Variants in RASGRP3 observed in about 807,000 individuals in gnomAD.
RASGRP3 encodes ras guanyl-releasing protein 3.
Under a neutral mutation model 82.7 loss-of-function variants are expected in RASGRP3, and 54 were observed. The ratio of observed to expected loss-of-function variants is 0.65; its 90% CI spans 0.52 to 0.82. RASGRP3 has a LOEUF of 0.82. Among genes scored for constraint, RASGRP3 ranks in the 40% least tolerant of loss-of-function variants. RASGRP3 has a pLI of 0.00. For synonymous variants in RASGRP3, 309 were observed against 300.5 expected (o/e 1.03, Z -0.29); for missense variants, 861 against 828.9 (o/e 1.04, Z -0.48).
chr2:33,547,110 G>A (rs1674854644), intron 13 of RASGRP3, among the ~76,000 whole-genome samples: 1 of 149,268 alleles, frequency 6.7e-6, no homozygotes, highest in Admixed American at 6.7e-5. Context: ...TTGCAGGAAC[G>A]CGGATGGAAG....
intron 15 of RASGRP3, among the ~76,000 whole-genome samples, chr2:33,557,926 C>G (rs1319251313): frequency 6.6e-6 from 1 of 152,130 alleles, no homozygotes; most frequent in Non-Finnish European, 1.5e-5. Context: ...ACCTCTCAGG[C>G]TGGACTCTAT....
At chr2:33,555,921 C>T (rs1043819015) in intron 15 of RASGRP3, among the ~76,000 whole-genome samples, 2 of 152,210 alleles carry the variant, frequency 1.3e-5, no homozygotes, top group African/African-American at 4.8e-5. Context: ...TTCTCTAATG[C>T]ACAGGCACTT....
intron 11 of RASGRP3, among the ~76,000 whole-genome samples, chr2:33,537,320 A>ACACACACC (rs771052774): frequency 1.2e-4 from 4 of 33,324 alleles, no homozygotes; most frequent in Non-Finnish European, 1.7e-4. Context: ...ACACACACAC[A>ACACACACC]CCGCCCCCCC....
chr2:33,507,371 GGT>G (rs533106617), intron 1 of RASGRP3, among the ~76,000 whole-genome samples: 129 of 152,328 alleles, frequency 8.5e-4, no homozygotes, highest in Middle Eastern at 3.4e-3. Context: ...CTCCAGCCTG[GGT>G]GACAGAGCAA....
At chr2:33,463,592 CTTTTTTTT>C (rs56748259) in intron 2 of RASGRP3, among the ~76,000 whole-genome samples, 7 of 70,230 alleles carry the variant, frequency 1.0e-4, no homozygotes, top group Non-Finnish European at 1.9e-4. Context: ...CTCCTTCACT[CTTTTTTTT>C]TTTTTTTTTT....
chr2:33,523,402 T>C (rs528451765), intron 7 of RASGRP3, among the ~76,000 whole-genome samples: 1 of 151,464 alleles, frequency 6.6e-6, no homozygotes, highest in Non-Finnish European at 1.5e-5. Flanking sequence ...GAGGCGGAGA[T>C]TGCAGTGAGC....
At chr2:33,534,694 A>ATTTT (rs71910431) in intron 11 of RASGRP3, among the ~76,000 whole-genome samples, 16 of 122,204 alleles carry the variant, frequency 1.3e-4, no homozygotes, top group African/African-American at 4.5e-4. Context: ...ACACCCAGCA[A>ATTTT]TTTTTTTTTT....
intron 1 of RASGRP3, among the ~76,000 whole-genome samples, chr2:33,499,945 G>A (rs1056871954): frequency 5.3e-5 from 8 of 152,106 alleles, no homozygotes; most frequent in South Asian, 2.1e-4. Context: ...TGGAGAGACC[G>A]ACAGAACCAT....
chr2:33,514,924 CATT>C, intron 2 of RASGRP3, 83 bp from the exon 3 acceptor site: 4 of 567,762 alleles, frequency 7.0e-6, no homozygotes, highest in Non-Finnish European at 1.3e-5. Context: ...CTATGGAAGT[CATT>C]ATCTTTTCAG....
At chr2:33,544,550 T>C (rs1439179025) in intron 13 of RASGRP3, among the ~76,000 whole-genome samples, 1 of 151,788 alleles carries the variant, frequency 6.6e-6, no homozygotes, top group Non-Finnish European at 1.5e-5. Flanking sequence ...AATCCTGGCA[T>C]TAATAATTTG....
chr2:33,478,829 A>C lies in RASGRP3; in HGVS notation c.-261+2122A>C, dbSNP rs72865970. 7.6e-3 allele frequency among the ~76,000 whole-genome samples: 1,165 copies of C among 152,348 alleles called. 7 individuals are homozygous for C. The highest frequency in any genetic ancestry group is 0.027 in the African/African-American group (1,137 of 41,584). ...ATTTCAACGCTAATAACAATCCCTT[A>C]CTTTTATTGTGCACTTACTCTGCCA... is the stretch of plus-strand genomic sequence containing the variant. On this transcript the variant is annotated intron_variant, in intron 1 of 17. Coordinates refer to ENST00000403687, the MANE Select transcript of RASGRP3 (RefSeq NM_001139488.2).
chr2:33,545,961 C>T (rs188388688), intron 13 of RASGRP3, among the ~76,000 whole-genome samples: 2 of 152,136 alleles, frequency 1.3e-5, no homozygotes, highest in Non-Finnish European at 2.9e-5. Context: ...CACCACCACG[C>T]CAGGCAATTT....
intron 3 of RASGRP3, among the ~76,000 whole-genome samples, chr2:33,516,192 G>T (rs1671448434): frequency 6.6e-6 from 1 of 152,136 alleles, no homozygotes; most frequent in South Asian, 2.1e-4. Context: ...GGCGGATCAT[G>T]AGGTCAGGAG....
At chr2:33,546,556 G>T (rs559696331) in intron 13 of RASGRP3, among the ~76,000 whole-genome samples, 1 of 152,210 alleles carries the variant, frequency 6.6e-6, no homozygotes, top group African/African-American at 2.4e-5. Flanking sequence ...TCCTCAAGCA[G>T]CTAAAAACAG....
At chr2:33,496,847 A>G (rs1194292882) in intron 1 of RASGRP3, among the ~76,000 whole-genome samples, 2 of 152,234 alleles carry the variant, frequency 1.3e-5, no homozygotes, top group Non-Finnish European at 2.9e-5. Flanking sequence ...ACAGAGTGAG[A>G]ACTTATCTTA....
In RASGRP3 at chr2:33,481,189, T is replaced by A. The variant is rs746571354; in HGVS notation, c.-261+4482T>A. On this transcript the variant is annotated intron_variant, in intron 1 of 17. Transcript: ENST00000403687. ...TTTTGTTTTTGTTTTTCAGATGGAGTTTCACTCTGTCGCCCAGGCTGGAGT... is the reference window on the plus strand; with the variant it reads ...TTTTGTTTTTGTTTTTCAGATGGAGATTCACTCTGTCGCCCAGGCTGGAGT... The A allele has an allele frequency of 2.6e-5, 4 of 152,616 alleles. No individual in the cohort carries two copies. The South Asian group carries it at 6.2e-4, about 24-fold the overall frequency. 9.5% of individuals were successfully genotyped at this position (152,616 alleles called of 1,614,324 possible).
intron 2 of RASGRP3, among the ~76,000 whole-genome samples, chr2:33,456,514 C>T (rs1666044530): frequency 6.6e-6 from 1 of 152,092 alleles, no homozygotes; most frequent in African/African-American, 2.4e-5. Context: ...TATATTCAGT[C>T]TTCTGAATAG....
intron 1 of RASGRP3, among the ~76,000 whole-genome samples, chr2:33,499,743 C>T (rs939366897): frequency 8.1e-5 from 12 of 148,806 alleles, no homozygotes; most frequent in African/African-American, 2.8e-4. Context: ...GAATTACATG[C>T]CCCATTAAAA....
Position 33,562,893 on chromosome 2 carries a change from G to A in RASGRP3, c.*156G>A. On this transcript the variant is annotated 3_prime_UTR_variant, in exon 18 of 18. Transcript: ENST00000403687. ...TGTGGGATCTCCATGTTTGGACTAT[G>A]GGACAGAGAATTGACCCTAACTAAC... The A allele has an allele frequency of 1.0e-6, 1 of 969,202 alleles. No individual in the cohort carries two copies. The highest frequency in any genetic ancestry group is 2.7e-5 in the East Asian group (1 of 37,600). 60.0% of individuals were successfully genotyped at this position (969,202 alleles called of 1,614,324 possible). A position where few individuals can be genotyped will look rare whatever the true frequency, so the allele number is the denominator to read the frequency against.
Sources: allele counts gnomAD v4.1 joint callset (sites outside exome capture counted in the v4.1 genomes callset), GRCh38; gene constraint gnomAD v4.1.1; transcripts MANE v1.5; gene names NCBI Gene and HGNC (gene_info 2026-07-23, HGNC 2026-07-21).